PPP1R3B: variants seen among roughly 807,000 people sequenced by gnomAD.
PPP1R3B encodes the protein PP1 subunit R4.
In PPP1R3B, 8 loss-of-function variants were observed where a neutral mutation model predicts 14.6. The observed-to-expected ratio is 0.55, with a 90% CI of 0.32 to 0.99. The LOEUF is 0.99. PPP1R3B is among the 50% of genes least tolerant of loss of function. The pLI is 0.04. For missense variants in PPP1R3B, 452 were observed against 360.1 expected (o/e 1.26, Z -2.07); for synonymous variants, 169 against 142.0 (o/e 1.19, Z -1.35).
intron 1 of PPP1R3B, chr8:9,142,240 G>A (rs1277083367): frequency 6.5e-6 from 1 of 152,750 alleles, no homozygotes; most frequent in African/African-American, 2.4e-5. Flanking sequence ...GGGACCACAG[G>A]CGCAAGTCAC....
chr8:9,149,307 T>C (rs910103966), intron 1 of PPP1R3B, among the ~76,000 whole-genome samples: 1 of 150,208 alleles, frequency 6.7e-6, no homozygotes, highest in Non-Finnish European at 1.5e-5. Flanking sequence ...GACACCATCC[T>C]GGCTAACACG....
At chr8:9,143,523 G>A (rs1801152259) in intron 1 of PPP1R3B, among the ~76,000 whole-genome samples, 1 of 152,142 alleles carries the variant, frequency 6.6e-6, no homozygotes, top group African/African-American at 2.4e-5. Context: ...CCAATATGGT[G>A]AAACCCCATC....
chr8:9,139,551 CTTTT>C lies in PPP1R3B; in HGVS notation c.*1239_*1242del, dbSNP rs376427250. On this transcript the variant is annotated 3_prime_UTR_variant, in exon 2 of 2. Coordinates refer to ENST00000310455, the MANE Select transcript of PPP1R3B (RefSeq NM_024607.4). ...TTTGGGAAAGGAGATTCAAAATTCTCTTTTTTTTTCTGTTTGAGACGGAGTCTCG... is the reference window on the plus strand; with the variant it reads ...TTTGGGAAAGGAGATTCAAAATTCTCTTTTTCTGTTTGAGACGGAGTCTCG... The C allele has an allele frequency of 6.6e-6, 1 of 151,424 alleles. No homozygotes were observed. Among genetic ancestry groups the C allele is most frequent in the East Asian group, 1.9e-4 (1 of 5,156 alleles). 9.4% of individuals were successfully genotyped at this position (151,424 alleles called of 1,614,324 possible).
At position 9,137,905 on chromosome 8, in the gene PPP1R3B, G is replaced by A. The variant is rs1363294621; in HGVS notation, c.*2889C>T. ...GTGAGCTGGGAGAAAGACGGGTAGT[G>A]GGGAGGGTTTACGGCTGCTTTAGAA... is the stretch of plus-strand genomic sequence containing the variant. On this transcript the variant is annotated 3_prime_UTR_variant, in exon 2 of 2. Transcript: ENST00000310455. The A allele has an allele frequency of 6.6e-6, 1 of 152,304 alleles. No homozygotes were observed. Among genetic ancestry groups the A allele is most frequent in the East Asian group, 1.9e-4 (1 of 5,178 alleles). 9.4% of individuals were successfully genotyped at this position (152,304 alleles called of 1,614,324 possible). A position where few individuals can be genotyped will look rare whatever the true frequency, so the allele number is the denominator to read the frequency against.
At chr8:9,147,650 T>A (rs998825731) in intron 1 of PPP1R3B, among the ~76,000 whole-genome samples, 1 of 152,020 alleles carries the variant, frequency 6.6e-6, no homozygotes, top group African/African-American at 2.4e-5. Context: ...GAGACTTAGC[T>A]GAAGACCTTG....
Position 9,139,532 on chromosome 8 carries a change from A to C in PPP1R3B, c.*1262T>G, listed in dbSNP as rs1477290373. ...ACAGCAGAAAAGATGACTCTTTGGG[A>C]AAGGAGATTCAAAATTCTCTTTTTT... On this transcript the variant is annotated 3_prime_UTR_variant, in exon 2 of 2. Transcript: ENST00000310455. 1 of 152,072 alleles carries C rather than the reference A, an allele frequency of 6.6e-6. No homozygotes were observed. Among genetic ancestry groups the C allele is most frequent in the Non-Finnish European group, 1.5e-5 (1 of 68,036 alleles). The allele number at this position is 152,072 out of a possible 1,614,324, so 9.4% of individuals were successfully genotyped here. A position where few individuals can be genotyped will look rare whatever the true frequency, so the allele number is the denominator to read the frequency against.
intron 1 of PPP1R3B, among the ~76,000 whole-genome samples, chr8:9,145,591 T>C (rs1034101349): frequency 6.6e-6 from 1 of 152,182 alleles, no homozygotes; most frequent in African/African-American, 2.4e-5. Context: ...AAAAGTTATA[T>C]GTGGATTTTT....
intron 1 of PPP1R3B, among the ~76,000 whole-genome samples, chr8:9,148,910 G>C (rs1054293581): frequency 6.6e-6 from 1 of 152,194 alleles, no homozygotes; most frequent in Non-Finnish European, 1.5e-5. Flanking sequence ...CAAAAAGGCC[G>C]GGCGTGGTGG....
intron 1 of PPP1R3B, among the ~76,000 whole-genome samples, chr8:9,144,941 T>G (rs139389161): frequency 0.04 from 6,022 of 152,220 alleles, 286 homozygotes; most frequent in South Asian, 0.17. Flanking sequence ...AGACAGGGTT[T>G]CACCATGTTG....
At chr8:9,145,535 A>ACTCT (rs1277491295) in intron 1 of PPP1R3B, 1 of 152,186 alleles carries the variant, frequency 6.6e-6, no homozygotes, top group African/African-American at 2.4e-5. Flanking sequence ...TATTGGTAAG[A>ACTCT]CTCTGGTCAA....
chr8:9,138,909 TAA>T lies in PPP1R3B; in HGVS notation c.*1883_*1884del, dbSNP rs1800979972. 1.3e-5 allele frequency: 1 copy of T among 79,040 alleles called. No homozygotes were observed. Among genetic ancestry groups the T allele is most frequent in the South Asian group, 9.1e-4 (1 of 1,094 alleles). The allele number at this position is 79,040 out of a possible 1,614,324, so 4.9% of individuals were successfully genotyped here. ...AATCACAGGTTTGGGGCCTATCTGA[TAA>T]TGACTGTCCCGGAAGTCTCTCTTTT... On this transcript the variant is annotated 3_prime_UTR_variant, in exon 2 of 2. Coordinates refer to ENST00000310455, the MANE Select transcript of PPP1R3B (RefSeq NM_024607.4).
chr8:9,141,269 A>G lies in PPP1R3B; in HGVS notation c.383T>C (p.Leu128Pro), dbSNP rs780033739. 2 of 1,614,192 alleles carry G rather than the reference A, an allele frequency of 1.2e-6. No individual in the cohort carries two copies. The highest frequency in any genetic ancestry group is 8.5e-7 in the Non-Finnish European group (1 of 1,180,040). Residue 128 changes from leucine (L) to proline (P), a missense_variant, in exon 2 of 2, where the codon CTT (leucine) becomes CCT (proline). Coordinates refer to ENST00000310455, the MANE Select transcript of PPP1R3B (RefSeq NM_024607.4). ...CTCAAGGCAGACGTGGTCGGCCTGA[A>G]GTCGATTTCTAAAGTCTAAGTAATC... ...SADYLDFRNR[L>P]QADHVCLENC... is the part of the protein sequence containing the mutation.
At position 9,140,889 on chromosome 8, in the gene PPP1R3B, A is replaced by T. The variant is rs755971403; in HGVS notation, c.763T>A (p.Ser255Thr). 3.1e-6 allele frequency: 5 copies of T among 1,614,042 alleles called. No individual in the cohort carries two copies. In the African/African-American group the frequency reaches 5.3e-5, roughly 17 times the overall value. ...KPHSGPDLGI[S>T]FDQFGSPRCS... The stretch of plus-strand genomic sequence containing the variant: ...CGAGGGCTTCCGAACTGGTCAAAGG[A>T]TATTCCCAAATCCGGTCCACTGTGG... The change falls in exon 2 of 2, where the codon TCC becomes ACC. Residue 255 changes from serine to threonine, a missense_variant. Ser to Thr is a moderately conservative substitution (Grantham distance 58). Transcript: ENST00000310455.
In PPP1R3B at chr8:9,138,790, A is replaced by G. The variant is rs1262989725; in HGVS notation, c.*2004T>C. On this transcript the variant is annotated 3_prime_UTR_variant, in exon 2 of 2. Transcript: ENST00000310455. ...TTTAACCAAACTCCAAAAACAAACA[A>G]AAATAGAAAATAAAAAACCAACTTC... 1.3e-5 allele frequency: 2 copies of G among 152,232 alleles called. No individual in the cohort carries two copies. Among genetic ancestry groups the G allele is most frequent in the African/African-American group, 4.8e-5 (2 of 41,458 alleles). 9.4% of individuals were successfully genotyped at this position (152,232 alleles called of 1,614,324 possible).
chr8:9,149,055 T>C (rs561744611), intron 1 of PPP1R3B, among the ~76,000 whole-genome samples: 26 of 146,296 alleles, frequency 1.8e-4, no homozygotes, highest in Admixed American at 3.4e-4. Flanking sequence ...TAGCCGGGCG[T>C]GGCGGCGGGC....
chr8:9,146,744 G>T (rs1801252125), intron 1 of PPP1R3B, among the ~76,000 whole-genome samples: 2 of 152,048 alleles, frequency 1.3e-5, no homozygotes, highest in African/African-American at 4.8e-5. Flanking sequence ...GGGCAAATTT[G>T]CTTTCAATGA....
chr8:9,144,434 T>C (rs2117610145), intron 1 of PPP1R3B, among the ~76,000 whole-genome samples: 1 of 152,254 alleles, frequency 6.6e-6, no homozygotes, highest in South Asian at 2.1e-4. Flanking sequence ...ACTCAAGCAA[T>C]CCTCCCACCT....
chr8:9,140,663 C>T lies in PPP1R3B; in HGVS notation c.*131G>A, dbSNP rs2117598796. The T allele has an allele frequency of 1.1e-6, 1 of 878,228 alleles. No individual in the cohort carries two copies. Among genetic ancestry groups the T allele is most frequent in the Admixed American group, 2.7e-5 (1 of 36,824 alleles). The allele number at this position is 878,228 out of a possible 1,614,324, so 54.4% of individuals were successfully genotyped here. On this transcript the variant is annotated 3_prime_UTR_variant, in exon 2 of 2. Transcript: ENST00000310455. Reference sequence around the variant, plus strand: ...TGTTTAAGAAAGAAGTGAAGAGGATCCTTTTATTTTCCCAAACGGGGCCTC... The same window carrying T: ...TGTTTAAGAAAGAAGTGAAGAGGATTCTTTTATTTTCCCAAACGGGGCCTC...
At position 9,149,741 on chromosome 8, in the gene PPP1R3B, C is replaced by T. The variant is rs533270368; in HGVS notation, c.-18+822G>A. Among the ~76,000 whole-genome samples, 8 of 152,328 alleles carry T rather than the reference C, an allele frequency of 5.3e-5. No individual in the cohort carries two copies. In the South Asian group the frequency reaches 8.3e-4, roughly 16 times the overall value. On this transcript the variant is annotated intron_variant, in intron 1 of 1. Transcript: ENST00000310455. ...CCCCTTTGTACTCAGACCATGGGGG[C>T]CTATTCACAGCCTTAAAGGCTCCTT...
Sources: allele counts gnomAD v4.1 joint callset (sites outside exome capture counted in the v4.1 genomes callset), GRCh38; gene constraint gnomAD v4.1.1; transcripts MANE v1.5; gene names NCBI Gene and HGNC (gene_info 2026-07-23, HGNC 2026-07-21).